The following PTPRA variants were observed in gnomAD, a reference collection of about 807,000 sequenced individuals.
PTPRA encodes receptor-type tyrosine-protein phosphatase alpha.
A neutral mutation model predicts 104.8 loss-of-function variants in PTPRA; 25 were observed. The ratio of observed to expected loss-of-function variants is 0.24; its 90% CI spans 0.17 to 0.33. PTPRA has a LOEUF of 0.33. Ranked by LOEUF, PTPRA falls within the 10% of genes least tolerant of loss-of-function variation. The probability of loss-of-function intolerance (pLI) is 1.00; values close to 1 mark genes in which losing one functional copy is unlikely to be tolerated. For synonymous variants in PTPRA, 323 were observed against 368.9 expected (o/e 0.88, Z 1.43); for missense variants, 765 against 1,015.3 (o/e 0.75, Z 3.35).
At chr20:2,885,881 T>C (rs1431926452) in intron 1 of PTPRA, among the ~76,000 whole-genome samples, 1 of 151,804 alleles carries the variant, frequency 6.6e-6, no homozygotes, top group Non-Finnish European at 1.5e-5. Context: ...CTGACCAACA[T>C]GGTGAAACCC....
chr20:2,987,375 G>A (rs749016111), intron 7 of PTPRA, among the ~76,000 whole-genome samples: 1 of 151,782 alleles, frequency 6.6e-6, no homozygotes, highest in Admixed American at 6.6e-5. Flanking sequence ...TCCTCTAGAC[G>A]TTACCACTCA....
chr20:2,974,714 A>G (rs1352428095), intron 5 of PTPRA, among the ~76,000 whole-genome samples: 1 of 152,160 alleles, frequency 6.6e-6, no homozygotes, highest in African/African-American at 2.4e-5. Context: ...TTATTTTCAA[A>G]TGTTTTCTTA....
chr20:2,957,462 A>T (rs1443669786), intron 3 of PTPRA, among the ~76,000 whole-genome samples: 2 of 152,230 alleles, frequency 1.3e-5, no homozygotes, highest in South Asian at 2.1e-4. Flanking sequence ...GTGGAACAAG[A>T]AGCCAGATTG....
intron 11 of PTPRA, among the ~76,000 whole-genome samples, chr20:3,010,577 G>A (rs1281271732): frequency 1.3e-5 from 2 of 151,934 alleles, no homozygotes; most frequent in Non-Finnish European, 2.9e-5. Flanking sequence ...GCAGTGAGCC[G>A]AGATCACGCC....
intron 1 of PTPRA, among the ~76,000 whole-genome samples, chr20:2,895,607 C>T (rs905658752): frequency 1.3e-5 from 2 of 152,276 alleles, no homozygotes; most frequent in East Asian, 1.9e-4. Context: ...AACTTAGCCT[C>T]CTGCGTTCAA....
At chr20:2,922,377 T>C (rs1344676289) in intron 1 of PTPRA, among the ~76,000 whole-genome samples, 1 of 152,184 alleles carries the variant, frequency 6.6e-6, no homozygotes, top group African/African-American at 2.4e-5. Context: ...TCTCACTCTG[T>C]TGCCCAGGCT....
intron 6 of PTPRA, among the ~76,000 whole-genome samples, chr20:2,985,187 A>G (rs2062849359): frequency 6.6e-6 from 1 of 152,234 alleles, no homozygotes; most frequent in South Asian, 2.1e-4. Flanking sequence ...GGATTTGGCA[A>G]TATGCCATTT....
rs117218384 is a variant in PTPRA, at chr20:2,907,088, G to A, written c.-128-16119G>A. The stretch of plus-strand genomic sequence containing the variant: ...TTTAACTTTTGATAGCATGTAAAGT[G>A]TATAAAGCAGCTCAACGTTGCTTAT... On this transcript the variant is annotated intron_variant, in intron 1 of 23. Transcript: ENST00000399903. Among the ~76,000 whole-genome samples the A allele has an allele frequency of 1.9e-3, 294 of 152,310 alleles. 4 individuals are homozygous for A. Among genetic ancestry groups the A allele is most frequent in the Non-Finnish European group, 6.5e-4 (44 of 68,032 alleles).
intron 2 of PTPRA, among the ~76,000 whole-genome samples, chr20:2,939,952 CA>C (rs1469995899): frequency 6.6e-6 from 1 of 151,870 alleles, no homozygotes; most frequent in East Asian, 1.9e-4. Context: ...ACTAAAAATA[CA>C]AAAAAAATTA....
At chr20:3,024,765 C>T (rs1451127335) in intron 17 of PTPRA, 144 bp downstream of exon 17, 2 of 998,512 alleles carry the variant, frequency 2.0e-6, no homozygotes, top group Middle Eastern at 2.6e-4. Context: ...TCCTCGTACT[C>T]TGGTAACTCT....
intron 1 of PTPRA, among the ~76,000 whole-genome samples, chr20:2,921,031 T>A (rs2060077916): frequency 6.6e-6 from 1 of 152,166 alleles, no homozygotes; most frequent in Non-Finnish European, 1.5e-5. Context: ...ATGTGCTTTC[T>A]TCATTTAGGT....
At chr20:2,892,606 A>C (rs896150870) in intron 1 of PTPRA, among the ~76,000 whole-genome samples, 1 of 152,182 alleles carries the variant, frequency 6.6e-6, no homozygotes, top group Non-Finnish European at 1.5e-5. Flanking sequence ...CTGTGTTGCC[A>C]GGTGATTCTG....
intron 1 of PTPRA, among the ~76,000 whole-genome samples, chr20:2,875,819 A>T (rs1190264587): frequency 6.6e-6 from 1 of 152,184 alleles, no homozygotes; most frequent in African/African-American, 2.4e-5. Context: ...AGCCTCTGCC[A>T]GGCTGTGTAG....
chr20:2,897,399 T>G (rs1425399692), intron 1 of PTPRA, among the ~76,000 whole-genome samples: 1 of 149,010 alleles, frequency 6.7e-6, no homozygotes, highest in Non-Finnish European at 1.5e-5. Flanking sequence ...TTTTTTTTTT[T>G]TTTTTTGAGA....
chr20:2,995,997 G>A (rs2148215368), intron 9 of PTPRA, among the ~76,000 whole-genome samples: 1 of 152,226 alleles, frequency 6.6e-6, no homozygotes, highest in South Asian at 2.1e-4. Context: ...TCCCATCCTG[G>A]CAATTGGTTG....
intron 20 of PTPRA, among the ~76,000 whole-genome samples, chr20:3,034,274 A>G (rs2065687176): frequency 6.6e-6 from 1 of 151,530 alleles, no homozygotes; most frequent in Non-Finnish European, 1.5e-5. Flanking sequence ...CTCTCAAAAA[A>G]GAAAAAAAAA....
At chr20:2,891,996 G>C (rs774553921) in intron 1 of PTPRA, among the ~76,000 whole-genome samples, 2 of 152,080 alleles carry the variant, frequency 1.3e-5, no homozygotes, top group Non-Finnish European at 2.9e-5. Context: ...CACAGATAGA[G>C]AGGGTCAACT....
chr20:3,015,816 CTCTT>C (rs754162964), intron 11 of PTPRA, 29 bp from the exon 12 acceptor site: 91 of 1,517,432 alleles, frequency 6.0e-5, no homozygotes, highest in Non-Finnish European at 8.2e-5. Context: ...TTTTGGTTTT[CTCTT>C]TCTTTTTCTT....
In PTPRA at chr20:3,022,556, G is replaced by C. The variant is rs2064931102; in HGVS notation, c.1329-133G>C. The stretch of plus-strand genomic sequence containing the variant: ...CATACTGGAGTTGTTGGCTCCTGGA[G>C]AGCCCCAGCTCTACCCCATTCAGAA... On this transcript the variant is annotated intron_variant, in intron 15 of 23. Transcript: ENST00000399903. The surrounding 1 kb of genome is among the most constrained non-coding windows in gnomAD (Gnocchi z 4.6). The C allele has an allele frequency of 7.8e-7, 1 of 1,285,764 alleles. No homozygotes were observed. Among genetic ancestry groups the C allele is most frequent in the Non-Finnish European group, 1.1e-6 (1 of 937,678 alleles). The allele number at this position is 1,285,764 out of a possible 1,614,324, so 79.6% of individuals were successfully genotyped here. A position where few individuals can be genotyped will look rare whatever the true frequency, so the allele number is the denominator to read the frequency against.
Sources: allele counts gnomAD v4.1 joint callset (sites outside exome capture counted in the v4.1 genomes callset), GRCh38; gene constraint gnomAD v4.1.1; non-coding constraint Gnocchi (gnomAD v3.1); transcripts MANE v1.5; gene names NCBI Gene and HGNC (gene_info 2026-07-23, HGNC 2026-07-21).